Variants in SEMA6D observed in about 807,000 individuals in gnomAD.
The protein encoded by SEMA6D is semaphorin-6D.
SEMA6D carries 35 observed loss-of-function variants against 106.6 expected under a neutral mutation model. The observed-to-expected ratio is 0.33, with a 90% CI of 0.25 to 0.44. SEMA6D has a LOEUF of 0.44. Ranked by LOEUF, SEMA6D falls within the 20% of genes least tolerant of loss-of-function variation. The probability of loss-of-function intolerance (pLI) is 1.00; values close to 1 mark genes in which losing one functional copy is unlikely to be tolerated. For missense variants in SEMA6D, 1,185 were observed against 1,345.9 expected, an observed-to-expected ratio of 0.88 and a Z score of 1.87; for synonymous variants, 499 against 487.7, an observed-to-expected ratio of 1.02 and a Z score of -0.31.
intron 1 of SEMA6D, among the ~76,000 whole-genome samples, chr15:47,411,961 ACCCAATGTGTGG>A (rs990011697): frequency 2.0e-4 from 31 of 152,152 alleles, no homozygotes; most frequent in African/African-American, 2.9e-4. Flanking sequence ...GCCCTCAACT[ACCCAATGTGTGG>A]CCCAATGTGT....
intron 1 of SEMA6D, chr15:47,397,438 C>G (rs1296973803): frequency 6.6e-6 from 1 of 151,934 alleles, no homozygotes; most frequent in East Asian, 1.9e-4. Flanking sequence ...TATCAATGAA[C>G]AAAGAATCTT....
chr15:47,281,656 G>T (rs945798136), intron 1 of SEMA6D, among the ~76,000 whole-genome samples: 11 of 152,116 alleles, frequency 7.2e-5, no homozygotes, highest in Non-Finnish European at 8.8e-5. Context: ...TGATTTTGCA[G>T]CAGCTGGTAC....
At chr15:47,540,605 T>C (rs1050436616) in intron 3 of SEMA6D, among the ~76,000 whole-genome samples, 1 of 152,138 alleles carries the variant, frequency 6.6e-6, no homozygotes, top group Non-Finnish European at 1.5e-5. Context: ...GGTGTCCTAA[T>C]TGGTCAGCAG....
At chr15:47,699,617 C>T (rs2078768436) in intron 4 of SEMA6D, among the ~76,000 whole-genome samples, 1 of 152,170 alleles carries the variant, frequency 6.6e-6, no homozygotes, top group African/African-American at 2.4e-5. Flanking sequence ...TGTGCCTAGG[C>T]ATATACCTAA....
intron 3 of SEMA6D, among the ~76,000 whole-genome samples, chr15:47,526,903 A>AT (rs1401901370): frequency 5.9e-5 from 9 of 151,848 alleles, no homozygotes; most frequent in Non-Finnish European, 1.5e-5. Flanking sequence ...TGCCTGGCTA[A>AT]TTTTTTTGTA....
intron 1 of SEMA6D, chr15:47,241,313 G>T (rs1031773400): frequency 1.3e-5 from 2 of 152,118 alleles, no homozygotes; most frequent in African/African-American, 4.8e-5. Flanking sequence ...TTTCACAAAA[G>T]AAACGACCGA....
rs113326482 is a variant in SEMA6D, at chr15:47,412,060, T to C, written c.-238-333T>C. ...ACTTCATTAAAATTGGGTTGGTTAC[T>C]TTTTTCCCCCACAGAGACCATGTCC... On this transcript the variant is annotated intron_variant, in intron 1 of 19. Transcript: ENST00000558014. Among the ~76,000 whole-genome samples, 1,512 of 152,206 alleles carry C rather than the reference T, an allele frequency of 9.9e-3. 38 individuals are homozygous for C. Among genetic ancestry groups the C allele is most frequent in the African/African-American group, 0.034 (1,401 of 41,528 alleles).
chr15:47,317,543 G>T (rs917626624), intron 1 of SEMA6D, among the ~76,000 whole-genome samples: 9 of 152,112 alleles, frequency 5.9e-5, no homozygotes, highest in African/African-American at 1.9e-4. Flanking sequence ...TACAAGGCAG[G>T]TCTACTGGGA....
In SEMA6D at chr15:47,212,700, A is replaced by C. The variant is rs552953242; in HGVS notation, c.-239+28282A>C. Among the ~76,000 whole-genome samples, 3 of 152,260 alleles carry C rather than the reference A, an allele frequency of 2.0e-5. No homozygotes were observed. In the South Asian group the frequency reaches 6.2e-4, roughly 32 times the overall value. Reference sequence around the variant, plus strand: ...AAAGTAGCATTTCCTTTCTTTTTGCATGTCTTAATGACATGACACCTCCTT... The same window carrying C: ...AAAGTAGCATTTCCTTTCTTTTTGCCTGTCTTAATGACATGACACCTCCTT... On this transcript the variant is annotated intron_variant, in intron 1 of 19. Transcript: ENST00000558014.
At chr15:47,434,913 G>A (rs112149199) in intron 2 of SEMA6D, among the ~76,000 whole-genome samples, 2,520 of 152,172 alleles carry the variant, frequency 0.017, 74 homozygotes, top group African/African-American at 0.058. Flanking sequence ...ACTAAACACA[G>A]CTGGTCATCA....
intron 1 of SEMA6D, among the ~76,000 whole-genome samples, chr15:47,386,939 A>G (rs1310412213): frequency 1.3e-5 from 2 of 152,232 alleles, no homozygotes; most frequent in Admixed American, 1.3e-4. Flanking sequence ...TGAAGGATGC[A>G]GTGGCAACGA....
At chr15:47,199,149 A>G (rs1341873773) in intron 1 of SEMA6D, among the ~76,000 whole-genome samples, 8 of 152,158 alleles carry the variant, frequency 5.3e-5, no homozygotes, top group Non-Finnish European at 1.2e-4. Flanking sequence ...CATTATTTCT[A>G]GTCTTTCCAC....
intron 1 of SEMA6D, among the ~76,000 whole-genome samples, chr15:47,333,199 A>G (rs2037412927): frequency 6.6e-6 from 1 of 152,174 alleles, no homozygotes; most frequent in Non-Finnish European, 1.5e-5. Flanking sequence ...GTTCAAATCT[A>G]CAGTGCTTAT....
chr15:47,496,946 C>T (rs2043684291), intron 3 of SEMA6D, among the ~76,000 whole-genome samples: 1 of 152,042 alleles, frequency 6.6e-6, no homozygotes, highest in Non-Finnish European at 1.5e-5. Context: ...CACAGTTGCA[C>T]TGCAGTCCTT....
At chr15:47,686,608 T>C (rs2078474987) in intron 4 of SEMA6D, among the ~76,000 whole-genome samples, 1 of 152,186 alleles carries the variant, frequency 6.6e-6, no homozygotes, top group African/African-American at 2.4e-5. Context: ...AGTTCCAGTA[T>C]CATTTTCTCC....
chr15:47,739,439 C>T lies in SEMA6D; in HGVS notation c.-54-20306C>T, dbSNP rs191190516. On this transcript the variant is annotated intron_variant, in intron 1 of 18. Transcript: ENST00000536845. ...TGGGGAATCTGCAGTATTCCACCACCCCCCGCCCACACAAGCAGTCAGGTC... is the reference window on the plus strand; with the variant it reads ...TGGGGAATCTGCAGTATTCCACCACTCCCCGCCCACACAAGCAGTCAGGTC... Among the ~76,000 whole-genome samples, 5 of 152,180 alleles carry T rather than the reference C, an allele frequency of 3.3e-5. No homozygotes were observed. The East Asian group carries it at 9.7e-4, about 29-fold the overall frequency.
At chr15:47,262,148 G>A (rs372011601) in intron 1 of SEMA6D, among the ~76,000 whole-genome samples, 14 of 151,970 alleles carry the variant, frequency 9.2e-5, no homozygotes, top group South Asian at 2.1e-4. Context: ...AAATCTCTAC[G>A]AGGAGAACGA....
intron 4 of SEMA6D, among the ~76,000 whole-genome samples, chr15:47,682,525 C>T (rs1045001798): frequency 6.6e-6 from 1 of 152,174 alleles, no homozygotes; most frequent in African/African-American, 2.4e-5. Flanking sequence ...TGATGTATAT[C>T]TTCAAATCAC....
At chr15:47,763,737 T>G in intron 9 of SEMA6D, 113 bp from the exon 10 acceptor site, 1 of 925,552 alleles carries the variant, frequency 1.1e-6, no homozygotes, top group Non-Finnish European at 1.8e-6. Flanking sequence ...GCTAGATTTT[T>G]TTGAACCAGA....
Sources: gnomAD v4.1 joint callset for allele counts (sites outside exome capture counted in the v4.1 genomes callset) on GRCh38, gnomAD v4.1.1 for gene constraint, MANE v1.5 for transcripts, NCBI Gene and HGNC (gene_info 2026-07-23, HGNC 2026-07-21) for gene names.